NKAIN2: variants seen among roughly 807,000 people sequenced by gnomAD.
NKAIN2 encodes the protein sodium/potassium transporting ATPase interacting 2.
In NKAIN2, 14 loss-of-function variants were observed where a neutral mutation model predicts 32.6. The observed-to-expected ratio is 0.43, with a 90% confidence interval of 0.28 to 0.67. NKAIN2 has a LOEUF of 0.67. Among genes scored for constraint, NKAIN2 ranks in the 30% least tolerant of loss-of-function variants. The pLI is 0.17. For missense variants in NKAIN2, 198 were observed against 258.3 expected, an observed-to-expected ratio of 0.77 and a Z score of 1.60; for synonymous variants, 80 against 87.2, an observed-to-expected ratio of 0.92 and a Z score of 0.46.
At chr6:124,218,177 CA>C (rs145999786) in intron 1 of NKAIN2, among the ~76,000 whole-genome samples, 14,228 of 151,626 alleles carry the variant, frequency 0.094, 1,507 homozygotes, top group African/African-American at 0.25. Flanking sequence ...CTAGTTGACA[CA>C]CAATTATGTT....
Position 124,498,429 on chromosome 6 carries a change from A to G in NKAIN2, c.273+143082A>G, listed in dbSNP as rs537782564. On this transcript the variant is annotated intron_variant, in intron 3 of 6. Transcript: ENST00000368417. Reference sequence around the variant, plus strand: ...GAAGTTAGCAAAATTGAGGTGCAGAACTCGGTGAGGGCTTAGCTAACTGTT... The same window carrying G: ...GAAGTTAGCAAAATTGAGGTGCAGAGCTCGGTGAGGGCTTAGCTAACTGTT... Among the ~76,000 whole-genome samples, 7 of 149,168 alleles carry G rather than the reference A, an allele frequency of 4.7e-5. No individual in the cohort carries two copies. The East Asian group carries it at 1.4e-3, about 30-fold the overall frequency.
At chr6:124,481,341 T>A (rs1424853544) in intron 3 of NKAIN2, among the ~76,000 whole-genome samples, 1 of 152,090 alleles carries the variant, frequency 6.6e-6, no homozygotes, top group African/African-American at 2.4e-5. Context: ...TTTTTTTAAA[T>A]CAGGGAAGAA....
chr6:124,508,086 G>A (rs1464870953), intron 3 of NKAIN2, among the ~76,000 whole-genome samples: 1 of 72,336 alleles, frequency 1.4e-5, no homozygotes, highest in Non-Finnish European at 2.8e-5. Flanking sequence ...GACCCCATCT[G>A]TACCAAAAGA....
intron 3 of NKAIN2, among the ~76,000 whole-genome samples, chr6:124,447,274 G>A (rs904774244): frequency 2.6e-5 from 4 of 152,108 alleles, no homozygotes; most frequent in African/African-American, 9.6e-5. Context: ...CAGACCTTAA[G>A]CTCCTTCAGG....
chr6:124,756,259 C>T (rs1022307989), intron 4 of NKAIN2, among the ~76,000 whole-genome samples: 3 of 152,122 alleles, frequency 2.0e-5, no homozygotes, highest in Non-Finnish European at 4.4e-5. Flanking sequence ...GCCTGAGGCC[C>T]CTTCCTCATC....
chr6:124,553,430 C>G (rs1780363518), intron 3 of NKAIN2, among the ~76,000 whole-genome samples: 1 of 152,162 alleles, frequency 6.6e-6, no homozygotes, highest in African/African-American at 2.4e-5. Context: ...GCCTCAGCCT[C>G]CCGAGTAGCT....
intron 1 of NKAIN2, among the ~76,000 whole-genome samples, chr6:124,108,823 A>G (rs576595104): frequency 6.6e-6 from 1 of 152,102 alleles, no homozygotes; most frequent in African/African-American, 2.4e-5. Flanking sequence ...TACACTGGCA[A>G]TCTTGTCAAA....
At chr6:124,375,668 A>G (rs1395065582) in intron 3 of NKAIN2, among the ~76,000 whole-genome samples, 1 of 151,938 alleles carries the variant, frequency 6.6e-6, no homozygotes, top group East Asian at 1.9e-4. Context: ...AAAAATCAGA[A>G]AAGGTGCTCC....
intron 1 of NKAIN2, among the ~76,000 whole-genome samples, chr6:123,858,715 T>A (rs1775659899): frequency 1.3e-5 from 2 of 151,964 alleles, no homozygotes; most frequent in Admixed American, 1.3e-4. Context: ...AAAATCAGAG[T>A]CATATTGAGT....
chr6:124,604,454 A>C (rs981053301), intron 3 of NKAIN2, among the ~76,000 whole-genome samples: 1 of 151,642 alleles, frequency 6.6e-6, no homozygotes, highest in Non-Finnish European at 1.5e-5. Flanking sequence ...TTTCTTTCCC[A>C]GTGTCTCTGT....
At chr6:124,036,477 A>C (rs138174713) in intron 1 of NKAIN2, among the ~76,000 whole-genome samples, 41 of 152,246 alleles carry the variant, frequency 2.7e-4, no homozygotes, top group African/African-American at 8.9e-4. Context: ...AAAGTGAAAA[A>C]GTTCCTTTCC....
intron 2 of NKAIN2, among the ~76,000 whole-genome samples, chr6:124,341,325 T>A (rs1798104323): frequency 6.6e-6 from 1 of 152,074 alleles, no homozygotes; most frequent in Admixed American, 6.6e-5. Context: ...TTTAATCAAC[T>A]GAAAAAAATC....
intron 1 of NKAIN2, among the ~76,000 whole-genome samples, chr6:124,015,491 G>A (rs1195294884): frequency 2.6e-5 from 4 of 152,104 alleles, no homozygotes; most frequent in Non-Finnish European, 5.9e-5. Context: ...CCATCATCAT[G>A]AAGTCACACA....
intron 3 of NKAIN2, among the ~76,000 whole-genome samples, chr6:124,554,101 A>T (rs929354871): frequency 1.3e-5 from 2 of 152,220 alleles, no homozygotes; most frequent in Non-Finnish European, 2.9e-5. Flanking sequence ...CTCAACTTTA[A>T]TTCATGCAAA....
chr6:124,677,195 C>G (rs1280621958), intron 4 of NKAIN2, among the ~76,000 whole-genome samples: 1 of 152,190 alleles, frequency 6.6e-6, no homozygotes, highest in Non-Finnish European at 1.5e-5. Flanking sequence ...TCTCGAACTC[C>G]TGACCTGAAG....
At chr6:123,950,651 T>C (rs550087792) in intron 1 of NKAIN2, among the ~76,000 whole-genome samples, 2 of 152,006 alleles carry the variant, frequency 1.3e-5, no homozygotes, top group Admixed American at 1.3e-4. Context: ...ATGGCTCCTT[T>C]TTCATTTCTG....
chr6:124,029,443 A>G (rs886572039), intron 1 of NKAIN2, among the ~76,000 whole-genome samples: 6 of 151,974 alleles, frequency 3.9e-5, no homozygotes, highest in Admixed American at 6.6e-5. Flanking sequence ...ATTTGAAAAG[A>G]TAAGGAAGCA....
At chr6:124,733,202 G>A (rs1424462926) in intron 4 of NKAIN2, among the ~76,000 whole-genome samples, 1 of 151,812 alleles carries the variant, frequency 6.6e-6, no homozygotes, top group East Asian at 1.9e-4. Context: ...GGATGTTTTA[G>A]GGTGGTGAAA....
At chr6:123,901,593 A>G (rs1774590244) in intron 1 of NKAIN2, among the ~76,000 whole-genome samples, 1 of 152,140 alleles carries the variant, frequency 6.6e-6, no homozygotes, top group Non-Finnish European at 1.5e-5. Flanking sequence ...TCAGAAGTAA[A>G]TTTATGGTAG....
Sources: gnomAD v4.1 joint callset for allele counts (sites outside exome capture counted in the v4.1 genomes callset) on GRCh38, gnomAD v4.1.1 for gene constraint, MANE v1.5 for transcripts, NCBI Gene and HGNC (gene_info 2026-07-23, HGNC 2026-07-21) for gene names.